The following NAAA variants were observed in gnomAD, a reference collection of about 807,000 sequenced individuals.
NAAA encodes N-acylethanolamine acid amidase.
NAAA carries 39 observed loss-of-function variants against 44.8 expected under a neutral mutation model. The ratio of observed to expected loss-of-function variants is 0.87; its 90% CI spans 0.67 to 1.14. The LOEUF is 1.14. Among genes scored for constraint, NAAA ranks in the 50% most tolerant of loss-of-function variants. The pLI, the probability that NAAA is intolerant of heterozygous loss-of-function variation, is 0.00. For synonymous variants in NAAA, 178 were observed against 191.3 expected (o/e 0.93, Z 0.58); for missense variants, 460 against 467.8 (o/e 0.98, Z 0.15).
chr4:75,933,804 G>A (rs1361934899), intron 3 of NAAA, among the ~76,000 whole-genome samples: 2 of 151,898 alleles, frequency 1.3e-5, no homozygotes, highest in East Asian at 3.9e-4. Flanking sequence ...GGAGGCCGAG[G>A]CGGGTGGATT....
At chr4:75,921,984 C>T (rs1329299845) in intron 5 of NAAA, among the ~76,000 whole-genome samples, 5 of 152,114 alleles carry the variant, frequency 3.3e-5, no homozygotes, top group Non-Finnish European at 7.4e-5. Flanking sequence ...GAATATCCTT[C>T]GGTGGAGGGC....
At chr4:75,925,436 T>C (rs75987109) in intron 5 of NAAA, among the ~76,000 whole-genome samples, 2,430 of 152,298 alleles carry the variant, frequency 0.016, 64 homozygotes, top group African/African-American at 0.056. Context: ...CTAAGCTCCT[T>C]GTTCCCTCAC....
chr4:75,929,455 A>G (rs1268530212), intron 4 of NAAA, among the ~76,000 whole-genome samples: 1 of 152,178 alleles, frequency 6.6e-6, no homozygotes, highest in Non-Finnish European at 1.5e-5. Flanking sequence ...AAGCAGTTTG[A>G]CAGTATTTCA....
intron 4 of NAAA, among the ~76,000 whole-genome samples, chr4:75,928,023 A>G (rs1416933583): frequency 6.6e-6 from 1 of 152,202 alleles, no homozygotes; most frequent in Non-Finnish European, 1.5e-5. Flanking sequence ...AACCCACTCT[A>G]GCAATTTTGA....
At position 75,921,031 on chromosome 4, in the gene NAAA, C is replaced by T. The variant is rs141023635; in HGVS notation, c.759G>A (p.Thr253=). The part of the protein sequence containing the change: ...IADVYYIVGG[T]SPREGVVITR... ...TGATGACCACCCCCTCCCGGGGGGA[C>T]GTGCCACCAACAATGTAATAAACAT... Residue 253 remains threonine (T), a synonymous_variant, in exon 6 of 11, where the codon ACG becomes ACA. Coordinates refer to ENST00000286733, the MANE Select transcript of NAAA (RefSeq NM_014435.4). 428 of 1,607,728 alleles carry T rather than the reference C, an allele frequency of 2.7e-4. No individual in the cohort carries two copies. In the African/African-American group the frequency reaches 3.6e-3, roughly 14 times the overall value.
intron 3 of NAAA, 60 bp from the exon 4 acceptor site, chr4:75,931,364 C>G: frequency 1.6e-6 from 2 of 1,249,606 alleles, no homozygotes; most frequent in Non-Finnish European, 1.2e-6. Flanking sequence ...CTGAAATCAC[C>G]TGTTCTGCCC....
At chr4:75,912,142 AG>A (rs1439640615), downstream of NAAA, among the ~76,000 whole-genome samples, 1 of 152,252 alleles carries the variant, frequency 6.6e-6, no homozygotes, top group Non-Finnish European at 1.5e-5. Flanking sequence ...CATTTTCCTG[AG>A]GAACAGCCCT....
intron 2 of NAAA, among the ~76,000 whole-genome samples, chr4:75,937,810 A>T (rs1403845439): frequency 6.6e-6 from 1 of 152,234 alleles, no homozygotes; most frequent in Non-Finnish European, 1.5e-5. Flanking sequence ...TTCTGAGCTT[A>T]ACTTCAAAGA....
At position 75,913,851 on chromosome 4, in the gene NAAA, A is replaced by G. The variant is rs1725436226; in HGVS notation, c.*524T>C. 10 of 985,358 alleles carry G rather than the reference A, an allele frequency of 1.0e-5. No individual in the cohort carries two copies. Among genetic ancestry groups the G allele is most frequent in the Non-Finnish European group, 1.2e-5 (10 of 829,840 alleles). The allele number at this position is 985,358 out of a possible 1,614,324, so 61.0% of individuals were successfully genotyped here. Reference sequence around the variant, plus strand: ...AAACATTATAAAAAACGAGACTCCCATTACATGGAAACACATGATCAAAGA... The same window carrying G: ...AAACATTATAAAAAACGAGACTCCCGTTACATGGAAACACATGATCAAAGA... On this transcript the variant is annotated 3_prime_UTR_variant, in exon 11 of 11. Transcript: ENST00000286733.
intron 3 of NAAA, 107 bp from the exon 4 acceptor site, chr4:75,931,411 C>T: frequency 1.3e-6 from 1 of 766,570 alleles, no homozygotes. Context: ...TAAATTCCAA[C>T]ACAATAGAAT....
intron 2 of NAAA, chr4:75,939,662 AC>A (rs570338491): frequency 6.1e-4 from 147 of 240,646 alleles, no homozygotes; most frequent in South Asian, 2.0e-3. Context: ...TGATCTGCCC[AC>A]CTTGGCCTCC....
chr4:75,931,812 C>T (rs971658584), intron 3 of NAAA, among the ~76,000 whole-genome samples: 1 of 152,184 alleles, frequency 6.6e-6, no homozygotes, highest in African/African-American at 2.4e-5. Flanking sequence ...TTCAACACAA[C>T]TGATTTTTTT....
At chr4:75,922,357 G>T (rs112650398) in intron 5 of NAAA, among the ~76,000 whole-genome samples, 6,500 of 148,080 alleles carry the variant, frequency 0.044, 237 homozygotes, top group African/African-American at 0.1. Flanking sequence ...CAGCCTGGGT[G>T]ACAGAGTGAG....
At chr4:75,928,205 C>A (rs572070324) in intron 4 of NAAA, among the ~76,000 whole-genome samples, 3 of 152,298 alleles carry the variant, frequency 2.0e-5, no homozygotes, top group Non-Finnish European at 2.9e-5. Flanking sequence ...GGAGATTCCA[C>A]ATATAAGTGA....
At position 75,918,780 on chromosome 4, in the gene NAAA, C is replaced by T. The variant is rs1305824980; in HGVS notation, c.979G>A (p.Val327Met). The change falls in exon 9 of 11, where the codon GTG becomes ATG. Residue 327 changes from valine (V) to methionine (M), a missense_variant. Physicochemically the swap from Val to Met is conservative, Grantham distance 21. Coordinates refer to ENST00000286733, the MANE Select transcript of NAAA (RefSeq NM_014435.4). ...ACTTACTTGTTATAAACTGGAACCA[C>T]CGACAAAATCTGCATAGGAAAAAGT... is the stretch of plus-strand genomic sequence containing the variant. ...SLEALFQILS[V>M]VPVYNNFTIY... The T allele has an allele frequency of 6.2e-7, 1 of 1,612,688 alleles. No individual in the cohort carries two copies. Among genetic ancestry groups the T allele is most frequent in the Non-Finnish European group, 8.5e-7 (1 of 1,179,058 alleles).
chr4:75,914,813 G>T, intron 10 of NAAA, 55 bp downstream of exon 10: 1 of 1,319,942 alleles, frequency 7.6e-7, no homozygotes, highest in Non-Finnish European at 1.1e-6. Context: ...CCCTCTGTAA[G>T]AAATACCAGC....
chr4:75,928,671 T>C (rs1340021150), intron 4 of NAAA, among the ~76,000 whole-genome samples: 1 of 152,166 alleles, frequency 6.6e-6, no homozygotes, highest in Non-Finnish European at 1.5e-5. Context: ...AGGCCAGGCC[T>C]GGAGATGCAA....
chr4:75,928,862 A>G (rs1273751055), intron 4 of NAAA, among the ~76,000 whole-genome samples: 1 of 149,096 alleles, frequency 6.7e-6, no homozygotes, highest in East Asian at 2.0e-4. Context: ...ATCTCGGCTC[A>G]CTGCAAGCTC....
rs771583825 is a variant in NAAA at position 75,940,812 on chromosome 4, C to T, written c.138G>A (p.Leu46=). 1.3e-6 allele frequency: 2 copies of T among 1,598,406 alleles called. No individual in the cohort carries two copies. The highest frequency in any genetic ancestry group is 1.7e-6 in the Non-Finnish European group (2 of 1,178,788). Residue 46 remains leucine (L), a synonymous_variant, in exon 1 of 11, where the codon CTG becomes CTA. Coordinates refer to ENST00000286733, the MANE Select transcript of NAAA (RefSeq NM_014435.4). ...AGTGCCGCAGCACGGGCAGCCAGCG[C>T]AGCTCGGGGACCGAGTCCAGGCTCA... ...FNVSLDSVPE[L]RWLPVLRHYD... is the part of the protein sequence containing the mutation.
Sources: gnomAD v4.1 joint callset for allele counts (sites outside exome capture counted in the v4.1 genomes callset) on GRCh38, gnomAD v4.1.1 for gene constraint, MANE v1.5 for transcripts, NCBI Gene and HGNC (gene_info 2026-07-23, HGNC 2026-07-21) for gene names.